EDA: variants seen among roughly 807,000 people sequenced by gnomAD.
EDA encodes ectodysplasin-A.
EDA carries 2 observed loss-of-function variants against 23.6 expected under a neutral mutation model. That is an observed-to-expected ratio of 0.08 (90% confidence interval 0.03 to 0.27). The LOEUF is 0.27. Among genes scored for constraint, EDA ranks in the 10% least tolerant of loss-of-function variants. The probability of loss-of-function intolerance (pLI) is 1.00; values close to 1 mark genes in which losing one functional copy is unlikely to be tolerated. For synonymous variants in EDA, 131 were observed against 132.0 expected (o/e 0.99, Z 0.05); for missense variants, 229 against 324.2 (o/e 0.71, Z 2.26).
intron 1 of EDA, among the ~76,000 whole-genome samples, chrX:69,636,601 C>T (rs1054118932): frequency 4.7e-5 from 5 of 107,197 alleles, no homozygotes; most frequent in East Asian, 5.8e-4. Context: ...AACAATGTCA[C>T]GCACACCATA....
intron 1 of EDA, among the ~76,000 whole-genome samples, chrX:69,783,676 C>G (rs941736560): frequency 9.0e-6 from 1 of 111,439 alleles, no homozygotes; most frequent in African/African-American, 3.3e-5. Flanking sequence ...TTTTCTTAAT[C>G]CAGTCTATCA....
Position 69,888,978 on chromosome X carries a change from T to TAGATATATATATATATATATA in EDA, c.397-68049_397-68048insAGATATATATATATATATATA, listed in dbSNP as rs1556026049. On this transcript the variant is annotated intron_variant, in intron 1 of 7. Transcript: ENST00000374552. ...GTGGAATTGTTGTATTGTGGGGTAG[T>TAGATATATATATATATATATA]TATATATATATATATATATATATAT... 2.2e-3 allele frequency among the ~76,000 whole-genome samples: 35 copies of TAGATATATATATATATATATA among 16,013 alleles called. 1 individual carries two copies. The highest frequency in any genetic ancestry group is 6.5e-3 in the East Asian group (2 of 307). The allele number at this position is 16,013 out of a possible 115,157, so 13.9% of individuals were successfully genotyped here. A position where few individuals can be genotyped will look rare whatever the true frequency, so the allele number is the denominator to read the frequency against.
At chrX:69,786,610 A>T (rs1218472428) in intron 1 of EDA, among the ~76,000 whole-genome samples, 7 of 108,744 alleles carry the variant, frequency 6.4e-5, no homozygotes, top group African/African-American at 1.3e-4. Context: ...TTTGAGTGAG[A>T]TTCTTAATCC....
At chrX:69,728,586 A>T (rs1168541461) in intron 1 of EDA, among the ~76,000 whole-genome samples, 1 of 112,321 alleles carries the variant, frequency 8.9e-6, no homozygotes, top group Non-Finnish European at 1.9e-5. Context: ...CAACTGGAAA[A>T]GTTGGCAGGA....
chrX:69,889,022 T>TATATA (rs2017882922), intron 1 of EDA, among the ~76,000 whole-genome samples: 2 of 27,657 alleles, frequency 7.2e-5, no homozygotes, highest in African/African-American at 1.1e-4. Flanking sequence ...ATATATATAT[T>TATATA]ATGTTTTTCC....
intron 7 of EDA, 51 bp from the exon 8 acceptor site, chrX:70,035,307 C>T (rs753814479): frequency 8.4e-7 from 1 of 1,185,723 alleles, no homozygotes; most frequent in Non-Finnish European, 1.1e-6. Flanking sequence ...GAGGGCCCCC[C>T]ACCCTCTCTT....
chrX:69,827,566 C>T (rs1478800312), intron 1 of EDA, among the ~76,000 whole-genome samples: 1 of 111,843 alleles, frequency 8.9e-6, no homozygotes, highest in Non-Finnish European at 1.9e-5. Flanking sequence ...CCTTTAAGCA[C>T]TTCTCTGTAT....
At chrX:69,787,948 T>C (rs1311866343) in intron 1 of EDA, among the ~76,000 whole-genome samples, 2 of 111,915 alleles carry the variant, frequency 1.8e-5, no homozygotes, top group Non-Finnish European at 3.8e-5. Context: ...ATAGATTTGG[T>C]CTTTTCACAT....
chrX:69,624,473 A>G (rs150441352), intron 1 of EDA, among the ~76,000 whole-genome samples: 1 of 111,647 alleles, frequency 9.0e-6, no homozygotes, highest in East Asian at 2.8e-4. Context: ...TAGACATTAT[A>G]TATGAAAGAT....
chrX:69,898,419 CA>C (rs764675340), intron 1 of EDA, among the ~76,000 whole-genome samples: 119 of 94,686 alleles, frequency 1.3e-3, no homozygotes, highest in Middle Eastern at 5.3e-3. Context: ...GCTAAAAATA[CA>C]AAAAAAAAAA....
intron 1 of EDA, among the ~76,000 whole-genome samples, chrX:69,621,556 T>G (rs970821320): frequency 1.8e-5 from 2 of 111,972 alleles, no homozygotes; most frequent in Admixed American, 9.4e-5. Flanking sequence ...CATAGATTAG[T>G]TTTTTTATCT....
Position 70,037,592 on chromosome X carries a change from G to A in EDA, c.*1983G>A, listed in dbSNP as rs939318846. 2.7e-4 allele frequency: 30 copies of A among 111,884 alleles called. No homozygotes were observed. Among genetic ancestry groups the A allele is most frequent in the African/African-American group, 9.8e-4 (30 of 30,743 alleles). 9.2% of individuals were successfully genotyped at this position (111,884 alleles called of 1,213,427 possible). On this transcript the variant is annotated 3_prime_UTR_variant, in exon 8 of 8. Transcript: ENST00000374552. ...TTTGACCAGTTTAAGCCGCAGACCT[G>A]GAGCTTCAGCCAGGTCTGACTCCAA... is the stretch of plus-strand genomic sequence containing the variant.
chrX:69,686,784 A>G (rs753098803), intron 1 of EDA, among the ~76,000 whole-genome samples: 1 of 111,675 alleles, frequency 9.0e-6, no homozygotes, highest in East Asian at 2.8e-4. Context: ...TGGTTGAATG[A>G]TATTCTATTA....
At chrX:69,882,986 G>A (rs958541342) in intron 1 of EDA, among the ~76,000 whole-genome samples, 1 of 112,378 alleles carries the variant, frequency 8.9e-6, no homozygotes, top group Non-Finnish European at 1.9e-5. Context: ...GGGATTACAG[G>A]CGTGAGCCAC....
intron 2 of EDA, among the ~76,000 whole-genome samples, chrX:69,988,629 G>A (rs967776611): frequency 3.6e-5 from 4 of 111,936 alleles, no homozygotes; most frequent in African/African-American, 9.7e-5. Flanking sequence ...GCCGAGGCGG[G>A]TGGACCACCT....
At chrX:69,808,923 G>A (rs953686810) in intron 1 of EDA, among the ~76,000 whole-genome samples, 2 of 111,655 alleles carry the variant, frequency 1.8e-5, no homozygotes, top group African/African-American at 6.5e-5. Context: ...CATTAGGTTT[G>A]GGCATTAGCC....
chrX:69,993,780 A>G (rs2019621747), intron 2 of EDA, among the ~76,000 whole-genome samples: 1 of 112,034 alleles, frequency 8.9e-6, no homozygotes, highest in Non-Finnish European at 1.9e-5. Flanking sequence ...TCAGTCTAAG[A>G]TGAGCTCCTG....
chrX:69,856,514 A>T (rs2147586364), intron 1 of EDA, among the ~76,000 whole-genome samples: 1 of 109,759 alleles, frequency 9.1e-6, no homozygotes. Context: ...CACCACATCC[A>T]CACCAACATC....
chrX:69,738,610 T>C (rs1336810530), intron 1 of EDA, among the ~76,000 whole-genome samples: 2 of 108,411 alleles, frequency 1.8e-5, no homozygotes, highest in Non-Finnish European at 3.8e-5. Context: ...TTCTTCTTTT[T>C]AAATATATAC....
Sources: gnomAD v4.1 joint callset for allele counts (sites outside exome capture counted in the v4.1 genomes callset) on GRCh38, gnomAD v4.1.1 for gene constraint, MANE v1.5 for transcripts, NCBI Gene and HGNC (gene_info 2026-07-23, HGNC 2026-07-21) for gene names.